Variants in MYO16 observed in about 807,000 individuals in gnomAD.
MYO16 encodes myosin XVI.
A neutral mutation model predicts 205.3 loss-of-function variants in MYO16; 94 were observed. The observed-to-expected ratio is 0.46, with a 90% CI of 0.39 to 0.54. The LOEUF is 0.54. Among genes scored for constraint, MYO16 ranks in the 20% least tolerant of loss-of-function variants. The pLI is 0.00. For missense variants in MYO16, 2,315 were observed against 2,387.5 expected, an observed-to-expected ratio of 0.97 and a Z score of 0.63; for synonymous variants, 988 against 954.0, an observed-to-expected ratio of 1.04 and a Z score of -0.66.
chr13:108,548,423 G>GACA, the MYO16 span, among the ~76,000 whole-genome samples: 1 of 102,204 alleles, frequency 9.8e-6, no homozygotes, highest in Non-Finnish European at 2.5e-5. Context: ...TGAGGAGGAT[G>GACA]ATGATGGTTG....
intron 20 of MYO16, among the ~76,000 whole-genome samples, chr13:108,981,682 A>G (rs544738294): frequency 6.6e-6 from 1 of 152,356 alleles, no homozygotes; most frequent in South Asian, 2.1e-4. Context: ...GAACCTGCTA[A>G]TGTCTGCCAG....
intron 23 of MYO16, among the ~76,000 whole-genome samples, chr13:109,034,174 T>A (rs911521177): frequency 6.6e-6 from 1 of 152,244 alleles, no homozygotes; most frequent in Non-Finnish European, 1.5e-5. Context: ...AAGTTAAGGC[T>A]GGCTACCCTT....
At chr13:108,876,579 T>C (rs196147) in intron 12 of MYO16, among the ~76,000 whole-genome samples, 2 of 152,240 alleles carry the variant, frequency 1.3e-5, no homozygotes, top group Middle Eastern at 3.4e-3. Context: ...GTTTACTATA[T>C]ACATGAACAC....
At chr13:108,499,272 G>A in the MYO16 span, among the ~76,000 whole-genome samples, 1 of 152,284 alleles carries the variant, frequency 6.6e-6, no homozygotes, top group Admixed American at 6.5e-5. Context: ...AGTCATTCAA[G>A]TATGCAGGAC....
In MYO16 at chr13:109,067,315, C is replaced by T. The variant is rs567219180; in HGVS notation, c.3335+11720C>T. 1.8e-3 allele frequency among the ~76,000 whole-genome samples: 273 copies of T among 152,298 alleles called. 2 individuals carry two copies. The highest frequency in any genetic ancestry group is 6.1e-3 in the African/African-American group (255 of 41,576). ...AGTATTTACTAGGCAATGGGCACTGCGCTAAGCCCTTCACAAGCATCATCT... is the reference window on the plus strand; with the variant it reads ...AGTATTTACTAGGCAATGGGCACTGTGCTAAGCCCTTCACAAGCATCATCT... On this transcript the variant is annotated intron_variant, in intron 27 of 34. Transcript: ENST00000457511.
chr13:108,899,519 T>G (rs1880606536), intron 15 of MYO16, among the ~76,000 whole-genome samples: 1 of 152,216 alleles, frequency 6.6e-6, no homozygotes, highest in Non-Finnish European at 1.5e-5. Context: ...ATTCAATCAT[T>G]TATTGGTTTT....
chr13:109,022,519 T>TA (rs1886094996), intron 23 of MYO16, among the ~76,000 whole-genome samples: 4 of 133,324 alleles, frequency 3.0e-5, no homozygotes, highest in African/African-American at 1.1e-4. Context: ...TATATATTTG[T>TA]TATATATACA....
At chr13:108,887,919 T>A (rs563097381) in intron 13 of MYO16, among the ~76,000 whole-genome samples, 1 of 152,076 alleles carries the variant, frequency 6.6e-6, no homozygotes, top group East Asian at 1.9e-4. Flanking sequence ...CAAGGCCATG[T>A]GTGAGCCTGC....
intron 31 of MYO16, among the ~76,000 whole-genome samples, chr13:109,129,414 G>T (rs1876424237): frequency 6.6e-6 from 1 of 152,072 alleles, no homozygotes; most frequent in Admixed American, 6.5e-5. Flanking sequence ...CGTGGGCTTA[G>T]ATATAAATTA....
the MYO16 span, among the ~76,000 whole-genome samples, chr13:108,562,252 G>A: frequency 6.6e-6 from 1 of 152,002 alleles, no homozygotes; most frequent in African/African-American, 2.4e-5. Flanking sequence ...CTTTTTAGAA[G>A]GGCCCTAATC....
the MYO16 span, among the ~76,000 whole-genome samples, chr13:108,543,446 C>T: frequency 3.3e-5 from 5 of 151,710 alleles, no homozygotes; most frequent in African/African-American, 9.7e-5. Context: ...AGATCGAGAC[C>T]ATCCTGGCTA....
At chr13:108,918,314 G>T (rs532569972) in intron 16 of MYO16, among the ~76,000 whole-genome samples, 1 of 152,078 alleles carries the variant, frequency 6.6e-6, no homozygotes, top group Non-Finnish European at 1.5e-5. Flanking sequence ...ATAAATAAAC[G>T]TGTGCACACA....
chr13:108,756,385 T>C (rs1388860063), intron 4 of MYO16, among the ~76,000 whole-genome samples: 1 of 152,158 alleles, frequency 6.6e-6, no homozygotes, highest in African/African-American at 2.4e-5. Context: ...ATGACATTTT[T>C]ACCTGGGTTT....
At chr13:108,997,528 C>A (rs1885070338) in intron 21 of MYO16, among the ~76,000 whole-genome samples, 1 of 151,940 alleles carries the variant, frequency 6.6e-6, no homozygotes, top group Non-Finnish European at 1.5e-5. Context: ...TAAAAGCTCC[C>A]TTTGCAGAAG....
chr13:109,152,975 G>A (rs2139839728), intron 32 of MYO16, among the ~76,000 whole-genome samples: 1 of 152,246 alleles, frequency 6.6e-6, no homozygotes, highest in East Asian at 1.9e-4. Context: ...TGAAATGTGG[G>A]CTCTCTCTTA....
At chr13:108,525,286 T>C in the MYO16 span, among the ~76,000 whole-genome samples, 1 of 152,226 alleles carries the variant, frequency 6.6e-6, no homozygotes, top group Admixed American at 6.5e-5. Flanking sequence ...ATAAAATCCA[T>C]AGCTAAATTA....
rs887372609 is a variant in MYO16 at position 109,162,313 on chromosome 13, G to A, written c.5165-2588G>A. 7.2e-5 allele frequency among the ~76,000 whole-genome samples: 11 copies of A among 152,162 alleles called. No individual in the cohort carries two copies. The highest frequency in any genetic ancestry group is 8.8e-5 in the Non-Finnish European group (6 of 68,030). On this transcript the variant is annotated intron_variant, in intron 32 of 34. Transcript: ENST00000457511. This position sits in a 1 kb window ranked among gnomAD's most constrained non-coding sequence, Gnocchi z 4.6. ...TCGTTTATTGCCACCAGGTGTAAGA[G>A]GACTGTGCTCATTCAAAGCCTTGGG...
At chr13:109,003,936 G>A (rs1441436416) in intron 21 of MYO16, among the ~76,000 whole-genome samples, 2 of 152,150 alleles carry the variant, frequency 1.3e-5, no homozygotes, top group African/African-American at 4.8e-5. Flanking sequence ...CAATGTCCAA[G>A]TATTTTCAAT....
chr13:108,964,703 TG>T, intron 19 of MYO16, 57 bp from the exon 20 acceptor site: 1 of 1,574,186 alleles, frequency 6.4e-7, no homozygotes. Flanking sequence ...GAGTTTTGGT[TG>T]GCTTCTAAAT....
Sources: allele counts gnomAD v4.1 joint callset (sites outside exome capture counted in the v4.1 genomes callset), GRCh38; gene constraint gnomAD v4.1.1; non-coding constraint Gnocchi (gnomAD v3.1); transcripts MANE v1.5; gene names NCBI Gene and HGNC (gene_info 2026-07-23, HGNC 2026-07-21).